Variants in GNAQ observed in about 807,000 individuals in gnomAD.
GNAQ encodes guanine nucleotide-binding protein G(q) subunit alpha.
GNAQ carries 8 observed loss-of-function variants against 43.9 expected under a neutral mutation model. The observed-to-expected ratio is 0.18, with a 90% CI of 0.11 to 0.33. The LOEUF is 0.33. Ranked by LOEUF, GNAQ falls within the 10% of genes least tolerant of loss-of-function variation. GNAQ has a pLI of 1.00. For missense variants in GNAQ, 158 were observed against 450.8 expected, an observed-to-expected ratio of 0.35 and a Z score of 5.88; for synonymous variants, 155 against 170.7, an observed-to-expected ratio of 0.91 and a Z score of 0.71.
chr9:77,920,030 T>G (rs937065370), intron 2 of GNAQ, among the ~76,000 whole-genome samples: 1 of 152,034 alleles, frequency 6.6e-6, no homozygotes, highest in Non-Finnish European at 1.5e-5. Context: ...TCCCAGCTAC[T>G]TGGGATGCTG....
chr9:77,921,497 T>C (rs1828996348), intron 2 of GNAQ, among the ~76,000 whole-genome samples: 1 of 152,232 alleles, frequency 6.6e-6, no homozygotes, highest in Admixed American at 6.5e-5. Context: ...GTATTCTACT[T>C]CAACCAAGAA....
At chr9:77,810,912 G>A (rs892261367) in intron 3 of GNAQ, among the ~76,000 whole-genome samples, 1 of 152,162 alleles carries the variant, frequency 6.6e-6, no homozygotes, top group Non-Finnish European at 1.5e-5. Flanking sequence ...TTCAGAAAGG[G>A]TGACTCTTGA....
chr9:78,011,166 G>C (rs1042858397), intron 1 of GNAQ, among the ~76,000 whole-genome samples: 4 of 152,182 alleles, frequency 2.6e-5, no homozygotes, highest in African/African-American at 4.8e-5. Flanking sequence ...AATCAGTTGT[G>C]AGATGAAGCA....
chr9:77,752,113 G>A (rs1218386148), intron 5 of GNAQ, among the ~76,000 whole-genome samples: 1 of 152,210 alleles, frequency 6.6e-6, no homozygotes, highest in Non-Finnish European at 1.5e-5. Context: ...AAAACCTGTA[G>A]TCACTTTAAG....
chr9:77,951,434 A>G (rs1822976828), intron 1 of GNAQ, among the ~76,000 whole-genome samples: 1 of 152,072 alleles, frequency 6.6e-6, no homozygotes, highest in Non-Finnish European at 1.5e-5. Flanking sequence ...ATTGCTAAAG[A>G]TATGTTTGGA....
At chr9:77,821,724 G>GGTGTGTGTGTGTGT (rs1554718670) in intron 2 of GNAQ, among the ~76,000 whole-genome samples, 19 of 142,308 alleles carry the variant, frequency 1.3e-4, no homozygotes, top group African/African-American at 4.8e-4. Flanking sequence ...TCCTAGTATG[G>GGTGTGTGTGTGTGT]GTGTGTGTGT....
At chr9:77,763,141 C>CA (rs34812363) in intron 5 of GNAQ, among the ~76,000 whole-genome samples, 3,686 of 64,808 alleles carry the variant, frequency 0.057, 117 homozygotes, top group East Asian at 0.18. Context: ...AACAAACAAA[C>CA]AAAAAAAAAA....
At chr9:77,899,107 T>C (rs1828550720) in intron 2 of GNAQ, among the ~76,000 whole-genome samples, 1 of 152,156 alleles carries the variant, frequency 6.6e-6, no homozygotes, top group Admixed American at 6.5e-5. Context: ...TTTGTTTTGT[T>C]TTGTTTTGAG....
chr9:77,728,440 G>T, intron 6 of GNAQ, 74 bp downstream of exon 6: 1 of 1,029,064 alleles, frequency 9.7e-7, no homozygotes, highest in African/African-American at 1.6e-5. Flanking sequence ...ACTGTAGTGC[G>T]TTAACTCCCA....
intron 2 of GNAQ, among the ~76,000 whole-genome samples, chr9:77,820,392 T>C (rs993364952): frequency 6.6e-6 from 1 of 152,158 alleles, no homozygotes; most frequent in African/African-American, 2.4e-5. Context: ...AGAGTGACAG[T>C]TGTTGTTTTA....
rs1825269612 is a variant in GNAQ, at chr9:77,719,072, A to T, written c.*2251T>A. On this transcript the variant is annotated 3_prime_UTR_variant, in exon 7 of 7. Transcript: ENST00000286548. ...ACCTCTACTCAGGAATGTGCAAATG[A>T]TTTTATACAGCACGACGCTAGTACC... 1.7e-5 allele frequency: 4 copies of T among 229,626 alleles called. No homozygotes were observed. In the South Asian group the frequency reaches 7.3e-4, roughly 42 times the overall value. The allele number at this position is 229,626 out of a possible 1,614,324, so 14.2% of individuals were successfully genotyped here.
At chr9:78,013,470 C>G (rs183679118) in intron 1 of GNAQ, among the ~76,000 whole-genome samples, 6 of 152,010 alleles carry the variant, frequency 3.9e-5, no homozygotes, top group Admixed American at 1.3e-4. Context: ...CCGCTCCCCC[C>G]ACCCCACAAC....
chr9:77,885,108 A>T (rs1828281393), intron 2 of GNAQ, among the ~76,000 whole-genome samples: 1 of 152,194 alleles, frequency 6.6e-6, no homozygotes, highest in South Asian at 2.1e-4. Flanking sequence ...GATGGGTTTT[A>T]GAGATATTTG....
chr9:77,756,017 C>T (rs540838218), intron 5 of GNAQ, among the ~76,000 whole-genome samples: 3 of 152,238 alleles, frequency 2.0e-5, no homozygotes, highest in South Asian at 2.1e-4. Context: ...CCAGTGCAGC[C>T]GGAATCAAAG....
Position 77,811,340 on chromosome 9 carries a change from T to C in GNAQ, c.476+4276A>G, listed in dbSNP as rs1826920519. ...AAGATATCTTTATAAAGATATATTA[T>C]ATATAAAGATATAAAAATATAAAGA... On this transcript the variant is annotated intron_variant, in intron 3 of 6. Coordinates refer to ENST00000286548, the MANE Select transcript of GNAQ (RefSeq NM_002072.5). 2.9e-5 allele frequency among the ~76,000 whole-genome samples: 4 copies of C among 137,656 alleles called. No individual in the cohort carries two copies. The South Asian group carries it at 9.4e-4, about 33-fold the overall frequency. 90.3% of individuals were successfully genotyped at this position (137,656 alleles called of 152,430 possible). A position where few individuals can be genotyped will look rare whatever the true frequency, so the allele number is the denominator to read the frequency against.
chr9:77,894,970 A>ACGAGG (rs1306765412), intron 2 of GNAQ, among the ~76,000 whole-genome samples: 1 of 151,816 alleles, frequency 6.6e-6, no homozygotes, highest in African/African-American at 2.4e-5. Context: ...CAGGCAGATC[A>ACGAGG]CGAGGTCAGG....
intron 1 of GNAQ, among the ~76,000 whole-genome samples, chr9:77,962,892 C>CA (rs538653191): frequency 0.041 from 2,212 of 53,860 alleles, 39 homozygotes; most frequent in African/African-American, 0.049. Context: ...AACTTAGTCT[C>CA]AAAAAAAAAA....
At chr9:77,794,081 C>T (rs1826619887) in intron 5 of GNAQ, among the ~76,000 whole-genome samples, 1 of 152,120 alleles carries the variant, frequency 6.6e-6, no homozygotes, top group South Asian at 2.1e-4. Flanking sequence ...ACCCATCACA[C>T]AAACAATGAT....
chr9:77,819,050 G>C (rs1205419373), intron 2 of GNAQ, among the ~76,000 whole-genome samples: 1 of 133,518 alleles, frequency 7.5e-6, no homozygotes, highest in East Asian at 2.4e-4. Context: ...TACCTAGTAT[G>C]ATTTAATGAA....
Sources: gnomAD v4.1 joint callset for allele counts (sites outside exome capture counted in the v4.1 genomes callset) on GRCh38, gnomAD v4.1.1 for gene constraint, MANE v1.5 for transcripts, NCBI Gene and HGNC (gene_info 2026-07-23, HGNC 2026-07-21) for gene names.